TRIP11: variants seen among roughly 807,000 people sequenced by gnomAD.
The protein encoded by TRIP11 is thyroid receptor-interacting protein 11.
In TRIP11, 148 loss-of-function variants were observed where a neutral mutation model predicts 223.1. The ratio of observed to expected loss-of-function variants is 0.66; its 90% CI spans 0.58 to 0.76. The LOEUF (loss-of-function observed/expected upper bound fraction) is 0.76, where lower values mean the gene tolerates loss of function less well. Among genes scored for constraint, TRIP11 ranks in the 30% least tolerant of loss-of-function variants. The pLI is 0.00. For missense variants in TRIP11, 2,043 were observed against 2,222.0 expected (o/e 0.92, Z 1.62); for synonymous variants, 762 against 772.6 (o/e 0.99, Z 0.23).
At chr14:91,989,635 T>C (rs1175237014) in intron 15 of TRIP11, among the ~76,000 whole-genome samples, 6 of 151,806 alleles carry the variant, frequency 4.0e-5, no homozygotes, top group African/African-American at 1.2e-4. Context: ...ATCAGTGTGA[T>C]AGCCTTTTTA....
intron 1 of TRIP11, among the ~76,000 whole-genome samples, chr14:92,035,577 AT>A (rs373503456): frequency 8.7e-5 from 9 of 103,640 alleles, no homozygotes; most frequent in Non-Finnish European, 1.2e-4. Context: ...TTATTTATTT[AT>A]TTATTTATTT....
intron 6 of TRIP11, among the ~76,000 whole-genome samples, chr14:92,015,223 G>A (rs1398953612): frequency 6.6e-6 from 1 of 152,048 alleles, no homozygotes; most frequent in Non-Finnish European, 1.5e-5. Context: ...TAAAAGCAGA[G>A]GTGCCACTGC....
At chr14:92,031,855 C>CG (rs1202131779) in intron 2 of TRIP11, among the ~76,000 whole-genome samples, 7 of 152,186 alleles carry the variant, frequency 4.6e-5, no homozygotes, top group African/African-American at 1.7e-4. Flanking sequence ...CTCTGTTGCC[C>CG]GGGCTGGAAT....
chr14:92,008,932 A>G (rs2056938697), intron 9 of TRIP11, among the ~76,000 whole-genome samples: 1 of 152,218 alleles, frequency 6.6e-6, no homozygotes, highest in South Asian at 2.1e-4. Context: ...GAAACAGCCT[A>G]ATATAAACCT....
chr14:92,025,508 T>TCCC (rs577391295), intron 2 of TRIP11, 88 bp from the exon 3 acceptor site: 34,346 of 826,056 alleles, frequency 0.042, 593 homozygotes, highest in African/African-American at 0.12. Context: ...ACGTACTGCT[T>TCCC]TCCCCCCCCA....
intron 20 of TRIP11, among the ~76,000 whole-genome samples, chr14:91,971,392 T>C (rs2056399016): frequency 6.6e-6 from 1 of 152,170 alleles, no homozygotes; most frequent in Admixed American, 6.5e-5. Context: ...AAATTCAAGA[T>C]TAAAGATTAA....
chr14:91,977,298 T>C (rs370362643), intron 16 of TRIP11: 101 of 442,454 alleles, frequency 2.3e-4, no homozygotes, highest in African/African-American at 1.9e-3. Flanking sequence ...ATGTACTTTT[T>C]CTTTTGTTGC....
chr14:92,000,566 T>C (rs969460229), intron 11 of TRIP11, among the ~76,000 whole-genome samples: 7 of 152,218 alleles, frequency 4.6e-5, no homozygotes, highest in South Asian at 2.1e-4. Flanking sequence ...AAATTTTCTA[T>C]AAATTTAAAA....
chr14:91,989,285 A>G (rs1368287039), intron 15 of TRIP11, among the ~76,000 whole-genome samples: 4 of 152,104 alleles, frequency 2.6e-5, no homozygotes, highest in Non-Finnish European at 4.4e-5. Context: ...GCTTTAATAC[A>G]ATTAGACTTT....
At chr14:92,035,458 T>C (rs935186482) in intron 1 of TRIP11, among the ~76,000 whole-genome samples, 3 of 151,958 alleles carry the variant, frequency 2.0e-5, no homozygotes, top group Non-Finnish European at 2.9e-5. Context: ...TGTCCAATCT[T>C]TTGGCTTCCC....
rs746917276 is a variant in TRIP11, at chr14:92,035,583, TTA to T, written c.140-2332_140-2331del. 2.5e-4 allele frequency among the ~76,000 whole-genome samples: 35 copies of T among 139,092 alleles called. 1 individual carries two copies. The highest frequency in any genetic ancestry group is 3.2e-4 in the African/African-American group (12 of 37,516). 91.2% of individuals were successfully genotyped at this position (139,092 alleles called of 152,430 possible). A position where few individuals can be genotyped will look rare whatever the true frequency, so the allele number is the denominator to read the frequency against. ...CCTCATTTTTTATTTATTTATTTAT[TTA>T]TTTTTTTTTTGAGACAGAGTCTCGC... On this transcript the variant is annotated intron_variant, in intron 1 of 20. Transcript: ENST00000267622.
chr14:92,024,517 T>C (rs1361209124), intron 3 of TRIP11, among the ~76,000 whole-genome samples: 2 of 152,224 alleles, frequency 1.3e-5, no homozygotes, highest in African/African-American at 2.4e-5. Flanking sequence ...TCAAAACCTA[T>C]GTATATCTTT....
At chr14:92,010,946 C>A in intron 9 of TRIP11, 40 bp downstream of exon 9, 4 of 1,582,004 alleles carry the variant, frequency 2.5e-6, no homozygotes, top group Non-Finnish European at 3.5e-6. Flanking sequence ...ACCTGTTACA[C>A]ATACCATTTT....
At chr14:91,997,726 C>A (rs1325261632) in intron 13 of TRIP11, among the ~76,000 whole-genome samples, 1 of 151,998 alleles carries the variant, frequency 6.6e-6, no homozygotes, top group East Asian at 1.9e-4. Flanking sequence ...CTGGATGTAG[C>A]TGATAACATG....
At chr14:92,031,382 G>C (rs2057263469) in intron 2 of TRIP11, among the ~76,000 whole-genome samples, 1 of 152,150 alleles carries the variant, frequency 6.6e-6, no homozygotes, top group East Asian at 1.9e-4. Context: ...TGGGATTACA[G>C]GCATGAGCCA....
intron 15 of TRIP11, among the ~76,000 whole-genome samples, chr14:91,989,530 G>A (rs980135334): frequency 2.0e-5 from 3 of 149,266 alleles, no homozygotes; most frequent in African/African-American, 7.4e-5. Flanking sequence ...CATCTAGTAG[G>A]CAGGTCTCTC....
At chr14:91,988,195 C>T (rs1210123829) in intron 16 of TRIP11, 89 bp downstream of exon 16, 3 of 1,025,996 alleles carry the variant, frequency 2.9e-6, no homozygotes, top group Admixed American at 4.1e-5. Context: ...AAGTTGGTCT[C>T]ACTCAACTAT....
At chr14:91,985,030 G>A (rs2056588862) in intron 16 of TRIP11, among the ~76,000 whole-genome samples, 1 of 152,228 alleles carries the variant, frequency 6.6e-6, no homozygotes, top group Admixed American at 6.5e-5. Context: ...TTCCCGGGAA[G>A]AGGGATAGAG....
intron 20 of TRIP11, among the ~76,000 whole-genome samples, chr14:91,971,076 A>G (rs923026136): frequency 1.3e-5 from 2 of 152,248 alleles, no homozygotes; most frequent in African/African-American, 4.8e-5. Flanking sequence ...TTGGGCTAAT[A>G]CAATTCCTTT....
Sources: allele counts gnomAD v4.1 joint callset (sites outside exome capture counted in the v4.1 genomes callset), GRCh38; gene constraint gnomAD v4.1.1; transcripts MANE v1.5; gene names NCBI Gene and HGNC (gene_info 2026-07-23, HGNC 2026-07-21).